Variants in HSPG2 observed in about 807,000 individuals in gnomAD.
HSPG2 encodes heparan sulfate proteoglycan 2, also known as basement membrane-specific heparan sulfate proteoglycan core protein.
In HSPG2, 278 loss-of-function variants were observed where a neutral mutation model predicts 526.6. That is an observed-to-expected ratio of 0.53 (90% CI 0.48 to 0.58). The LOEUF is 0.58. Among genes scored for constraint, HSPG2 ranks in the 20% least tolerant of loss-of-function variants. The pLI, the probability that HSPG2 is intolerant of heterozygous loss-of-function variation, is 0.00. For synonymous variants in HSPG2, 2,465 were observed against 2,555.4 expected (o/e 0.96, Z 1.07); for missense variants, 5,354 against 6,099.5 (o/e 0.88, Z 4.07).
intron 1 of HSPG2, among the ~76,000 whole-genome samples, chr1:21,901,964 C>T (rs1288392631): frequency 6.6e-6 from 1 of 152,164 alleles, no homozygotes; most frequent in South Asian, 2.1e-4. Context: ...CCCCCTCTGC[C>T]AGGATGCAGG....
At chr1:21,857,522 T>G in intron 42 of HSPG2, 137 bp from the exon 43 acceptor site, 2 of 786,490 alleles carry the variant, frequency 2.5e-6, no homozygotes, top group Non-Finnish European at 4.3e-6. Context: ...CCCTGGCACC[T>G]CCCTCCCCCA....
intron 33 of HSPG2, among the ~76,000 whole-genome samples, chr1:21,868,259 G>A (rs12075996): frequency 0.021 from 3,108 of 146,822 alleles, 99 homozygotes; most frequent in African/African-American, 0.074. Flanking sequence ...GGCTGGTCTC[G>A]AACTCCTGAC....
At chr1:21,902,833 C>G (rs1643173768) in intron 1 of HSPG2, among the ~76,000 whole-genome samples, 1 of 152,208 alleles carries the variant, frequency 6.6e-6, no homozygotes, top group Non-Finnish European at 1.5e-5. Flanking sequence ...ACCACGTTGC[C>G]TTGGACAAGC....
intron 1 of HSPG2, among the ~76,000 whole-genome samples, chr1:21,929,750 C>A (rs183844381): frequency 6.6e-6 from 1 of 152,118 alleles, no homozygotes; most frequent in Non-Finnish European, 1.5e-5. Context: ...GATGCTGAAG[C>A]CAAAGACTGT....
In HSPG2 at chr1:21,846,482, T is replaced by C. The variant is rs769314315; in HGVS notation, c.8282A>G (p.His2761Arg). The C allele has an allele frequency of 1.2e-6, 2 of 1,613,674 alleles. No individual in the cohort carries two copies. The highest frequency in any genetic ancestry group is 1.1e-5 in the South Asian group (1 of 91,084). ...ACTGGGGAGGCTGCCCCCACGCTTG[T>C]GCCAAGTGACCTGGGCATGGGCCTG... ...PGQAHAQVTW[H>R]KRGGSLPSHH... The change falls in exon 63 of 97, where the codon CAC becomes CGC. Residue 2761 changes from histidine (H) to arginine (R), a missense_variant. Physicochemically the swap from His to Arg is conservative, Grantham distance 29. Transcript: ENST00000374695.
intron 1 of HSPG2, among the ~76,000 whole-genome samples, chr1:21,929,280 T>C (rs1315822535): frequency 6.6e-6 from 1 of 152,122 alleles, no homozygotes; most frequent in Non-Finnish European, 1.5e-5. Context: ...CATAAGCCAA[T>C]GCAGAGGCCC....
rs566870625 is a variant in HSPG2, at chr1:21,858,768, T to C, written c.5293+798A>G. On this transcript the variant is annotated intron_variant, in intron 42 of 96. Transcript: ENST00000374695. This position sits in a 1 kb window ranked among gnomAD's most constrained non-coding sequence, Gnocchi z 4.2. ...CACTGGAGCCCACAGTGCACACCCA[T>C]GGGTGGGACAGATGTGCAGGGGACT... 1.3e-5 allele frequency among the ~76,000 whole-genome samples: 2 copies of C among 152,308 alleles called. No individual in the cohort carries two copies. The highest frequency in any genetic ancestry group is 3.9e-4 in the East Asian group (2 of 5,182).
At position 21,848,729 on chromosome 1, in the gene HSPG2, G is replaced by C. The variant is rs779240034; in HGVS notation, c.7651C>G (p.Leu2551Val). 11 of 1,613,852 alleles carry C rather than the reference G, an allele frequency of 6.8e-6. No homozygotes were observed. Among genetic ancestry groups the C allele is most frequent in the Non-Finnish European group, 9.3e-6 (11 of 1,179,986 alleles). ...SSASLANGHTLDLNCLVASQA... is the reference protein window; with the variant it reads ...SSASLANGHTVDLNCLVASQA... ...CTGGCAACCAGGCAGTTGAGGTCCAGGGTGTGTCCATTGGCCAGGGAGGCT... is the reference window on the plus strand; with the variant it reads ...CTGGCAACCAGGCAGTTGAGGTCCACGGTGTGTCCATTGGCCAGGGAGGCT... The change falls in exon 59 of 97, where the codon CTG becomes GTG. Residue 2551 changes from leucine (L) to valine (V), a missense_variant. Leu to Val is a conservative substitution (Grantham distance 32). Coordinates refer to ENST00000374695, the MANE Select transcript of HSPG2 (RefSeq NM_005529.7). This position sits in a 1 kb window ranked among gnomAD's most constrained non-coding sequence, Gnocchi z 4.9.
At chr1:21,881,819 T>C (rs566927418) in intron 13 of HSPG2, among the ~76,000 whole-genome samples, 13 of 151,552 alleles carry the variant, frequency 8.6e-5, no homozygotes, top group Non-Finnish European at 1.6e-4. Flanking sequence ...GGTGCACGCC[T>C]GTAGTCCCAG....
Position 21,855,423 on chromosome 1 carries a change from C to T in HSPG2, c.5878G>A (p.Val1960Met). Reference sequence around the variant, plus strand: ...TGGACCTGGGTCCTCTCTGGGCTCACTTGGACTCTGGGCCCACCGCCCCCT... The same window carrying T: ...TGGACCTGGGTCCTCTCTGGGCTCATTTGGACTCTGGGCCCACCGCCCCCT... ...VHGGGGPRVQ[V>M]SPERTQVHAG... is the part of the protein sequence containing the mutation. The change falls in exon 47 of 97, where the codon GTG becomes ATG. Residue 1960 changes from valine (V) to methionine (M), a missense_variant. Transcript: ENST00000374695. The T allele has an allele frequency of 1.2e-6, 2 of 1,613,270 alleles. No homozygotes were observed. Among genetic ancestry groups the T allele is most frequent in the Non-Finnish European group, 1.7e-6 (2 of 1,179,898 alleles).
chr1:21,843,993 G>A (rs987176056), intron 65 of HSPG2, among the ~76,000 whole-genome samples, 155 bp downstream of exon 65: 4 of 152,176 alleles, frequency 2.6e-5, no homozygotes, highest in African/African-American at 9.7e-5. Flanking sequence ...TGGCCCTGCT[G>A]TGCCCAGCCC....
At chr1:21,863,236 G>T (rs2152734006) in intron 37 of HSPG2, among the ~76,000 whole-genome samples, 1 of 150,736 alleles carries the variant, frequency 6.6e-6, no homozygotes, top group South Asian at 2.1e-4. Context: ...AGCCGGGTGT[G>T]GTAGCGGGCG....
intron 1 of HSPG2, among the ~76,000 whole-genome samples, chr1:21,903,185 G>C (rs541585585): frequency 3.3e-5 from 5 of 152,296 alleles, no homozygotes; most frequent in African/African-American, 1.2e-4. Flanking sequence ...ATACGACAGA[G>C]GCCATAACAC....
rs764925799 is a variant in HSPG2 at position 21,842,032 on chromosome 1, C to T, written c.9163G>A (p.Glu3055Lys). 33 of 1,613,582 alleles carry T rather than the reference C, an allele frequency of 2.0e-5. No individual in the cohort carries two copies. Among genetic ancestry groups the T allele is most frequent in the South Asian group, 4.4e-5 (4 of 91,078 alleles). Reference protein sequence around the residue: ...IHDGAAPISLEWKTRNQELED... With the variant: ...IHDGAAPISLKWKTRNQELED... ...AGCTCCTGGTTCCGGGTCTTCCACTCGAGGCTGATGGGGGCTGCCCCGTCA... is the reference window on the plus strand; with the variant it reads ...AGCTCCTGGTTCCGGGTCTTCCACTTGAGGCTGATGGGGGCTGCCCCGTCA... Residue 3055 changes from glutamate (E) to lysine (K), a missense_variant, in exon 69 of 97, where the codon GAG (glutamate) becomes AAG (lysine). Coordinates refer to ENST00000374695, the MANE Select transcript of HSPG2 (RefSeq NM_005529.7).
intron 1 of HSPG2, among the ~76,000 whole-genome samples, chr1:21,909,283 A>T (rs1275049856): frequency 6.6e-6 from 1 of 152,210 alleles, no homozygotes; most frequent in Non-Finnish European, 1.5e-5. Flanking sequence ...AACAGCCAAG[A>T]GAATATTAAC....
rs34884591 is a variant in HSPG2 at position 21,843,925 on chromosome 1, T to C, written c.8616+223A>G. Among the ~76,000 whole-genome samples the C allele has an allele frequency of 0.041, 6,195 of 152,308 alleles. 182 individuals are homozygous for C. Among genetic ancestry groups the C allele is most frequent in the South Asian group, 0.11 (508 of 4,818 alleles). On this transcript the variant is annotated intron_variant, in intron 65 of 96. Coordinates refer to ENST00000374695, the MANE Select transcript of HSPG2 (RefSeq NM_005529.7). ...TGCTGGGATTATAGACATGAGCCAC[T>C]GCGCCCAGCCAGAGATGTCCTTTTC...
chr1:21,823,204 G>T lies in HSPG2; in HGVS notation c.*112C>A. On this transcript the variant is annotated 3_prime_UTR_variant, in exon 97 of 97. Coordinates refer to ENST00000374695, the MANE Select transcript of HSPG2 (RefSeq NM_005529.7). ...TCCAGCCCAGGGCGGTAGCAGCAAA[G>T]CGTGGCATCGCCTCGGTTTCTTACA... 9.4e-7 allele frequency: 1 copy of T among 1,058,648 alleles called. No homozygotes were observed. Among genetic ancestry groups the T allele is most frequent in the Non-Finnish European group, 1.3e-6 (1 of 776,444 alleles). The allele number at this position is 1,058,648 out of a possible 1,614,324, so 65.6% of individuals were successfully genotyped here.
intron 11 of HSPG2, 37 bp downstream of exon 11, chr1:21,884,976 C>A (rs1448891379): frequency 1.2e-6 from 2 of 1,613,804 alleles, no homozygotes; most frequent in Non-Finnish European, 1.7e-6. Flanking sequence ...CCAGCTGCCC[C>A]TCATTCCCAC....
At chr1:21,857,512 C>G (rs1045443511) in intron 42 of HSPG2, 127 bp from the exon 43 acceptor site, 1 of 841,972 alleles carries the variant, frequency 1.2e-6, no homozygotes, top group Admixed American at 2.0e-5. Flanking sequence ...TCATTCTACC[C>G]CCTGGCACCT....
Sources: gnomAD v4.1 joint callset for allele counts (sites outside exome capture counted in the v4.1 genomes callset) on GRCh38, gnomAD v4.1.1 for gene constraint, Gnocchi (gnomAD v3.1) non-coding constraint, MANE v1.5 for transcripts, NCBI Gene and HGNC (gene_info 2026-07-23, HGNC 2026-07-21) for gene names.